ZNF789: variants seen among roughly 807,000 people sequenced by gnomAD.
The protein encoded by ZNF789 is zinc finger protein 789.
A neutral mutation model predicts 15.6 loss-of-function variants in ZNF789; 11 were observed. That is an observed-to-expected ratio of 0.70 (90% CI 0.44 to 1.16). ZNF789 has a LOEUF of 1.16. Among genes scored for constraint, ZNF789 ranks in the 50% most tolerant of loss-of-function variants. The pLI is 0.00. For missense variants in ZNF789, 461 were observed against 512.6 expected (o/e 0.90, Z 0.97); for synonymous variants, 159 against 176.0 (o/e 0.90, Z 0.76).
intron 2 of ZNF789, 176 bp from the exon 3 acceptor site, chr7:99,479,485 A>T (rs1197297981): frequency 3.5e-6 from 2 of 574,278 alleles, no homozygotes; most frequent in Non-Finnish European, 5.4e-6. Context: ...GGAAGCCAGC[A>T]CATGTCTGGC....
Position 99,486,642 on chromosome 7 carries a change from T to C in ZNF789, c.432T>C (p.Pro144=), listed in dbSNP as rs774001586. 1.2e-6 allele frequency: 2 copies of C among 1,614,236 alleles called. No individual in the cohort carries two copies. Among genetic ancestry groups the C allele is most frequent in the East Asian group, 2.2e-5 (1 of 44,894 alleles). ...TGGACAGTTGCAGGCTTACTTTCCC[T>C]ACTAGTGGTGATGAATACAGCAGGG... ...EFVDSCRLTF[P]TSGDEYSRGF... is the part of the protein sequence containing the mutation. Residue 144 remains proline (P), a synonymous_variant, in exon 5 of 5, where the codon CCT becomes CCC. Transcript: ENST00000331410.
rs1000711935 is a variant in ZNF789 at position 99,478,322 on chromosome 7, G to A, written c.25-1339G>A. 10 of 1,289,710 alleles carry A rather than the reference G, an allele frequency of 7.8e-6. No homozygotes were observed. The Admixed American group carries it at 9.2e-5, about 12-fold the overall frequency. 79.9% of individuals were successfully genotyped at this position (1,289,710 alleles called of 1,614,324 possible). On this transcript the variant is annotated intron_variant, in intron 2 of 4. Transcript: ENST00000331410. ...TAGGTCAGATTGAGGACATGGCAGC[G>A]CAGCTCTGGTAAAAGAGTGACACTC...
intron 4 of ZNF789, chr7:99,485,508 T>A (rs996766451): frequency 6.2e-6 from 3 of 482,700 alleles, no homozygotes; most frequent in Non-Finnish European, 1.1e-5. Context: ...TGTCCATTTT[T>A]AAGCAGATGT....
chr7:99,485,703 A>G (rs1006208561), intron 4 of ZNF789, among the ~76,000 whole-genome samples: 23 of 152,034 alleles, frequency 1.5e-4, no homozygotes, highest in Non-Finnish European at 2.9e-5. Context: ...GTGGTGGTGT[A>G]TGCCTGTAAT....
In ZNF789 at chr7:99,482,056, A is replaced by C; in HGVS notation, c.152-1974A>C. The C allele has an allele frequency of 5.5e-6, 4 of 723,904 alleles. No homozygotes were observed. In the South Asian group the frequency reaches 5.9e-5, roughly 11 times the overall value. The allele number at this position is 723,904 out of a possible 1,614,324, so 44.8% of individuals were successfully genotyped here. Reference sequence around the variant, plus strand: ...TTGGAATACTCATAAATATATAATAAGATAATTTGAGGATCTGACAAGAAA... The same window carrying C: ...TTGGAATACTCATAAATATATAATACGATAATTTGAGGATCTGACAAGAAA... On this transcript the variant is annotated intron_variant, in intron 3 of 4. Coordinates refer to ENST00000331410, the MANE Select transcript of ZNF789 (RefSeq NM_213603.3).
chr7:99,484,549 G>T (rs1799814705), intron 4 of ZNF789, among the ~76,000 whole-genome samples: 1 of 152,208 alleles, frequency 6.6e-6, no homozygotes. Context: ...GAACCTGGGA[G>T]GCAGAGGCTG....
chr7:99,479,908 A>G, intron 3 of ZNF789, 121 bp downstream of exon 3: 3 of 1,383,146 alleles, frequency 2.2e-6, no homozygotes, highest in Non-Finnish European at 1.9e-6. Context: ...TTTTTTTATA[A>G]CTCGTGTGGC....
chr7:99,478,231 G>A (rs887542539), intron 2 of ZNF789: 1 of 1,260,278 alleles, frequency 7.9e-7, no homozygotes, highest in Non-Finnish European at 1.0e-6. Context: ...ATGACTCTGG[G>A]AGATGAAGCC....
chr7:99,477,461 C>T (rs940081803), intron 2 of ZNF789, among the ~76,000 whole-genome samples: 1 of 152,152 alleles, frequency 6.6e-6, no homozygotes. Context: ...CCACCTCAGC[C>T]TCCCAAGTAG....
intron 4 of ZNF789, chr7:99,485,312 G>T: frequency 8.3e-7 from 1 of 1,203,062 alleles, no homozygotes. Flanking sequence ...GTGCATTTTA[G>T]GATGTTGAGT....
chr7:99,480,034 T>C (rs1184912151), intron 3 of ZNF789: 16 of 474,464 alleles, frequency 3.4e-5, no homozygotes, highest in Non-Finnish European at 4.7e-5. Flanking sequence ...ACTTCAGAAA[T>C]AACAGTGTAG....
At position 99,487,266 on chromosome 7, in the gene ZNF789, G is replaced by C; in HGVS notation, c.1056G>C (p.Arg352Ser). 6.2e-7 allele frequency: 1 copy of C among 1,614,214 alleles called. No individual in the cohort carries two copies. The highest frequency in any genetic ancestry group is 8.5e-7 in the Non-Finnish European group (1 of 1,180,034). The change falls in exon 5 of 5, where the codon AGG (arginine) becomes AGC (serine). Residue 352 changes from arginine (R) to serine (S), a missense_variant. Transcript: ENST00000331410. The part of the protein sequence containing the change: ...KCSECGQSFG[R>S]NVDLIQHQRI... ...GTGAATGTGGACAGTCCTTTGGTAG[G>C]AATGTGGATCTCATTCAGCATCAAA...
At chr7:99,485,038 G>T (rs1799854443) in intron 4 of ZNF789, among the ~76,000 whole-genome samples, 1 of 152,054 alleles carries the variant, frequency 6.6e-6, no homozygotes. Context: ...AGATGCTCTA[G>T]TGTTTTCTAA....
At chr7:99,474,577 G>C (rs568202181) in intron 1 of ZNF789, among the ~76,000 whole-genome samples, 1 of 151,380 alleles carries the variant, frequency 6.6e-6, no homozygotes, top group Admixed American at 6.6e-5. Flanking sequence ...CTGGGCGACA[G>C]AGCGAGACTC....
chr7:99,475,886 C>T (rs960923523), intron 1 of ZNF789, among the ~76,000 whole-genome samples: 1 of 148,514 alleles, frequency 6.7e-6, no homozygotes. Flanking sequence ...TTCACTGCAA[C>T]CTCCGCCTCC....
intron 3 of ZNF789, chr7:99,483,746 C>G (rs1265826361): frequency 1.3e-6 from 1 of 781,044 alleles, no homozygotes. Context: ...CAGTTTATTT[C>G]CAGTTTGATG....
chr7:99,483,577 G>A (rs1419927232), intron 3 of ZNF789: 12 of 636,312 alleles, frequency 1.9e-5, no homozygotes, highest in Middle Eastern at 5.5e-4. Flanking sequence ...GTTGCAGTGC[G>A]CCAAGACTGT....
intron 1 of ZNF789, 83 bp from the exon 2 acceptor site, chr7:99,476,320 C>A: frequency 1.2e-6 from 1 of 848,952 alleles, no homozygotes; most frequent in Non-Finnish European, 1.8e-6. Flanking sequence ...TCTGTGTGCC[C>A]CGTTGGAATT....
Position 99,486,628 on chromosome 7 carries a change from A to C in ZNF789, c.418A>C (p.Arg140=). Reference sequence around the variant, plus strand: ...GTGTAAAGAATTTGTGGACAGTTGCAGGCTTACTTTCCCTACTAGTGGTGA... The same window carrying C: ...GTGTAAAGAATTTGTGGACAGTTGCCGGCTTACTTTCCCTACTAGTGGTGA... The part of the protein sequence containing the change: ...HKCKEFVDSC[R]LTFPTSGDEY... The change falls in exon 5 of 5, where the codon AGG becomes CGG. Residue 140 remains arginine (R), a synonymous_variant. Transcript: ENST00000331410. The C allele has an allele frequency of 6.2e-7, 1 of 1,614,210 alleles. No homozygotes were observed. The highest frequency in any genetic ancestry group is 8.5e-7 in the Non-Finnish European group (1 of 1,180,048).
Sources: gnomAD v4.1 joint callset for allele counts (sites outside exome capture counted in the v4.1 genomes callset) on GRCh38, gnomAD v4.1.1 for gene constraint, MANE v1.5 for transcripts, NCBI Gene and HGNC (gene_info 2026-07-23, HGNC 2026-07-21) for gene names.